Variants in SOX5 observed in about 807,000 individuals in gnomAD.
SOX5 encodes transcription factor SOX-5.
SOX5 carries 9 observed loss-of-function variants against 92.0 expected under a neutral mutation model. That is an observed-to-expected ratio of 0.10 (90% CI 0.06 to 0.17). The LOEUF (loss-of-function observed/expected upper bound fraction) is 0.17, where lower values mean the gene tolerates loss of function less well. Ranked by LOEUF, SOX5 falls within the 10% of genes least tolerant of loss-of-function variation. SOX5 has a pLI of 1.00. For synonymous variants in SOX5, 344 were observed against 336.3 expected (o/e 1.02, Z -0.25); for missense variants, 642 against 944.5 (o/e 0.68, Z 4.20).
intron 4 of SOX5, among the ~76,000 whole-genome samples, chr12:24,092,032 A>G (rs1944717446): frequency 6.6e-6 from 1 of 152,118 alleles, no homozygotes; most frequent in Non-Finnish European, 1.5e-5. Context: ...TTTTTAAACT[A>G]CTATACATCC....
intron 1 of SOX5, among the ~76,000 whole-genome samples, chr12:24,472,134 T>G (rs1944882472): frequency 6.6e-6 from 1 of 152,148 alleles, no homozygotes; most frequent in African/African-American, 2.4e-5. Flanking sequence ...AGGGAAGATC[T>G]TAAAAGTAAA....
At chr12:23,634,238 G>T (rs1047226122) in intron 8 of SOX5, among the ~76,000 whole-genome samples, 3 of 152,076 alleles carry the variant, frequency 2.0e-5, no homozygotes, top group Non-Finnish European at 4.4e-5. Flanking sequence ...TCTTGTCCTT[G>T]TGGGGCGGTA....
intron 4 of SOX5, among the ~76,000 whole-genome samples, chr12:23,972,686 T>G (rs1478886179): frequency 6.6e-6 from 1 of 152,106 alleles, no homozygotes; most frequent in East Asian, 1.9e-4. Flanking sequence ...TTAAATAATT[T>G]TTTATTTTTT....
chr12:23,902,855 TTAA>T (rs1486981145), intron 1 of SOX5, among the ~76,000 whole-genome samples: 2 of 152,208 alleles, frequency 1.3e-5, no homozygotes, highest in East Asian at 1.9e-4. Context: ...TGAGACACAA[TTAA>T]TAATAGGGCA....
Position 23,530,298 on chromosome 12 carries a change from A to G in SOX5, c.*3921T>C, listed in dbSNP as rs1758021734. 1.3e-5 allele frequency: 2 copies of G among 152,220 alleles called. No individual in the cohort carries two copies. Among genetic ancestry groups the G allele is most frequent in the African/African-American group, 4.8e-5 (2 of 41,462 alleles). 9.4% of individuals were successfully genotyped at this position (152,220 alleles called of 1,614,324 possible). A position where few individuals can be genotyped will look rare whatever the true frequency, so the allele number is the denominator to read the frequency against. On this transcript the variant is annotated 3_prime_UTR_variant, in exon 15 of 15. Coordinates refer to ENST00000451604, the MANE Select transcript of SOX5 (RefSeq NM_006940.6). ...AAAGTGTAATTATTTTTTATGTTTT[A>G]AATGTGATATAAGAGGTTTCTTCTG...
intron 6 of SOX5, among the ~76,000 whole-genome samples, chr12:23,689,640 TC>T (rs1468339592): frequency 6.6e-6 from 1 of 152,094 alleles, no homozygotes; most frequent in East Asian, 1.9e-4. Flanking sequence ...CTTTTTCCTA[TC>T]TCCCAAAAAT....
intron 1 of SOX5, among the ~76,000 whole-genome samples, chr12:24,546,765 A>C (rs1952659536): frequency 6.6e-6 from 1 of 152,210 alleles, no homozygotes; most frequent in Non-Finnish European, 1.5e-5. Flanking sequence ...TATCACCTAG[A>C]TCCAACAACT....
intron 8 of SOX5, among the ~76,000 whole-genome samples, chr12:23,622,337 GC>G (rs2138131059): frequency 6.6e-6 from 1 of 152,012 alleles, no homozygotes; most frequent in African/African-American, 2.4e-5. Context: ...TATTTTAAGG[GC>G]TAGAAGTCTA....
intron 4 of SOX5, among the ~76,000 whole-genome samples, chr12:24,103,169 T>C (rs1175459640): frequency 6.6e-6 from 1 of 152,182 alleles, no homozygotes; most frequent in Non-Finnish European, 1.5e-5. Flanking sequence ...TGTTATAAGT[T>C]GTACAAGAGG....
chr12:23,908,018 C>T (rs767194939), intron 1 of SOX5, among the ~76,000 whole-genome samples: 15 of 152,126 alleles, frequency 9.9e-5, no homozygotes, highest in Non-Finnish European at 2.1e-4. Flanking sequence ...TGCTCTCTCC[C>T]TCCCATCTCA....
chr12:24,127,431 C>A (rs953173160), intron 4 of SOX5, among the ~76,000 whole-genome samples: 15 of 135,478 alleles, frequency 1.1e-4, no homozygotes, highest in Non-Finnish European at 2.1e-4. Context: ...AATAATAATA[C>A]CAATTGGTTA....
rs191899086 is a variant in SOX5 at position 24,531,018 on chromosome 12, A to G, written c.-251+31311T>C. On this transcript the variant is annotated intron_variant, in intron 1 of 4. Coordinates refer to the SOX5 transcript ENST00000446891. ...TTTAAAATTTATGACTATATAAGTT[A>G]GTTGTGAAACTCTGTACACATGATT... Among the ~76,000 whole-genome samples the G allele has an allele frequency of 4.6e-5, 7 of 152,328 alleles. No homozygotes were observed. In the South Asian group the frequency reaches 6.2e-4, roughly 14 times the overall value.
At chr12:23,968,322 C>A (rs562386752) in intron 4 of SOX5, among the ~76,000 whole-genome samples, 1 of 152,298 alleles carries the variant, frequency 6.6e-6, no homozygotes, top group Admixed American at 6.5e-5. Context: ...GGAAACTCTT[C>A]AAGTCTTATA....
chr12:24,336,700 A>G (rs955347400), intron 2 of SOX5, among the ~76,000 whole-genome samples: 2 of 152,196 alleles, frequency 1.3e-5, no homozygotes, highest in African/African-American at 4.8e-5. Context: ...TAAAAAAATA[A>G]AAGAAGAAAG....
At chr12:24,123,812 C>T (rs1252329945) in intron 4 of SOX5, among the ~76,000 whole-genome samples, 1 of 152,194 alleles carries the variant, frequency 6.6e-6, no homozygotes, top group East Asian at 1.9e-4. Flanking sequence ...TCATCACTGA[C>T]ATATAGGATA....
At chr12:24,503,790 C>T (rs933276190) in intron 1 of SOX5, among the ~76,000 whole-genome samples, 7 of 152,038 alleles carry the variant, frequency 4.6e-5, no homozygotes, top group African/African-American at 1.7e-4. Context: ...CACATGGACA[C>T]AGGGAGGGCA....
At chr12:24,031,511 G>C (rs796622538) in intron 4 of SOX5, among the ~76,000 whole-genome samples, 9 of 151,914 alleles carry the variant, frequency 5.9e-5, no homozygotes, top group African/African-American at 2.2e-4. Context: ...GTAGAATGGT[G>C]GTTACCAGGA....
chr12:23,607,761 T>G (rs2075422192), intron 8 of SOX5, among the ~76,000 whole-genome samples: 1 of 152,156 alleles, frequency 6.6e-6, no homozygotes, highest in South Asian at 2.1e-4. Flanking sequence ...AACAAGCACC[T>G]GGAGAACTAT....
At chr12:23,832,784 C>T (rs1366034798) in intron 3 of SOX5, among the ~76,000 whole-genome samples, 2 of 150,578 alleles carry the variant, frequency 1.3e-5, no homozygotes, top group African/African-American at 2.4e-5. Context: ...AAGGTAGATG[C>T]TCACTTTTAG....
Sources: allele counts gnomAD v4.1 joint callset (sites outside exome capture counted in the v4.1 genomes callset), GRCh38; gene constraint gnomAD v4.1.1; transcripts MANE v1.5; gene names NCBI Gene and HGNC (gene_info 2026-07-23, HGNC 2026-07-21).